Variants in PRDM16 observed in about 807,000 individuals in gnomAD.
The protein encoded by PRDM16 is PR/SET domain 16, also known as histone-lysine N-methyltransferase PRDM16.
PRDM16 carries 23 observed loss-of-function variants against 110.6 expected under a neutral mutation model. That is an observed-to-expected ratio of 0.21 (90% CI 0.15 to 0.29). The LOEUF (loss-of-function observed/expected upper bound fraction) is 0.29, where lower values mean the gene tolerates loss of function less well. Among genes scored for constraint, PRDM16 ranks in the 10% least tolerant of loss-of-function variants. The pLI is 1.00. For missense variants in PRDM16, 1,615 were observed against 1,794.3 expected (o/e 0.90, Z 1.81); for synonymous variants, 799 against 781.8 (o/e 1.02, Z -0.37).
intron 2 of PRDM16, among the ~76,000 whole-genome samples, chr1:3,228,686 C>T (rs1232246582): frequency 6.6e-6 from 1 of 152,186 alleles, no homozygotes; most frequent in African/African-American, 2.4e-5. Flanking sequence ...CTGGGGGCTC[C>T]TCGCCATGGC....
rs1639786180 is a variant in PRDM16, at chr1:3,246,164, C to T, written c.438+2027C>T. On this transcript the variant is annotated intron_variant, in intron 3 of 16. Transcript: ENST00000270722. This position sits in a 1 kb window ranked among gnomAD's most constrained non-coding sequence, Gnocchi z 5.2. ...GGGCGCCGCCTTCTGTGCCTCTGGGCCACGGTGGGTTTGCCTTTGTGTCTT... is the reference window on the plus strand; with the variant it reads ...GGGCGCCGCCTTCTGTGCCTCTGGGTCACGGTGGGTTTGCCTTTGTGTCTT... Among the ~76,000 whole-genome samples, 1 of 152,146 alleles carries T rather than the reference C, an allele frequency of 6.6e-6. No homozygotes were observed. Among genetic ancestry groups the T allele is most frequent in the Admixed American group, 6.5e-5 (1 of 15,274 alleles).
At chr1:3,247,752 C>A (rs1463227306) in intron 3 of PRDM16, among the ~76,000 whole-genome samples, 1 of 152,260 alleles carries the variant, frequency 6.6e-6, no homozygotes, top group East Asian at 1.9e-4. Context: ...GCCGTCCCTG[C>A]GCCCGTCCTG....
intron 3 of PRDM16, among the ~76,000 whole-genome samples, chr1:3,249,271 G>A (rs1639869762): frequency 6.6e-6 from 1 of 152,090 alleles, no homozygotes; most frequent in East Asian, 1.9e-4. Context: ...GAGATGGAGG[G>A]ACCCTCAAAC....
intron 1 of PRDM16, among the ~76,000 whole-genome samples, chr1:3,178,540 G>A (rs1454139218): frequency 6.6e-6 from 1 of 152,306 alleles, no homozygotes; most frequent in South Asian, 2.1e-4. Flanking sequence ...GGTGGCAAAC[G>A]TGTGTACTTA....
intron 1 of PRDM16, among the ~76,000 whole-genome samples, chr1:3,167,574 G>A (rs1471942023): frequency 8.1e-5 from 11 of 136,236 alleles, no homozygotes; most frequent in African/African-American, 2.8e-4. Context: ...CCCTGCTCCT[G>A]CCATCCTCCC....
At position 3,183,057 on chromosome 1, in the gene PRDM16, A is replaced by G. The variant is rs990333176; in HGVS notation, c.38-3068A>G. 6.6e-5 allele frequency among the ~76,000 whole-genome samples: 10 copies of G among 152,364 alleles called. 1 individual carries two copies. The highest frequency in any genetic ancestry group is 5.2e-4 in the Admixed American group (8 of 15,310). ...CAAATAAAGGATGTCAGGTCTCCTG[A>G]CAAGTCAATCACACGCTGTTACCCA... is the stretch of plus-strand genomic sequence containing the variant. On this transcript the variant is annotated intron_variant, in intron 1 of 16. Transcript: ENST00000270722.
At chr1:3,223,086 C>T (rs1296902643) in intron 2 of PRDM16, among the ~76,000 whole-genome samples, 1 of 146,398 alleles carries the variant, frequency 6.8e-6, no homozygotes, top group Non-Finnish European at 1.5e-5. Context: ...CTGCCTCCGC[C>T]GTGGCCAAAA....
At chr1:3,073,657 C>T (rs1363091439) in intron 1 of PRDM16, among the ~76,000 whole-genome samples, 1 of 152,022 alleles carries the variant, frequency 6.6e-6, no homozygotes, top group Non-Finnish European at 1.5e-5. Flanking sequence ...TGGGCCGGGT[C>T]GGGGAGCGGG....
chr1:3,195,038 G>A (rs1023919219), intron 2 of PRDM16, among the ~76,000 whole-genome samples: 4 of 152,350 alleles, frequency 2.6e-5, no homozygotes, highest in East Asian at 1.9e-4. Context: ...TGAGCGCACC[G>A]GCCAGTGGAT....
intron 1 of PRDM16, among the ~76,000 whole-genome samples, chr1:3,095,198 C>G (rs1311639226): frequency 1.3e-5 from 2 of 152,252 alleles, no homozygotes; most frequent in Admixed American, 1.3e-4. Context: ...ACCTCCCCAA[C>G]CGCCAGTCCA....
chr1:3,412,437 A>G lies in PRDM16; in HGVS notation c.2240A>G (p.His747Arg), dbSNP rs995205684. 6.2e-7 allele frequency: 1 copy of G among 1,610,470 alleles called. No homozygotes were observed. The highest frequency in any genetic ancestry group is 1.3e-5 in the African/African-American group (1 of 74,122). The change falls in exon 9 of 17, where the codon CAC (histidine) becomes CGC (arginine). Residue 747 changes from histidine (H) to arginine (R), a missense_variant. Coordinates refer to ENST00000270722, the MANE Select transcript of PRDM16 (RefSeq NM_022114.4). ...LYPFTDRALAHNLLVKAEPKS... is the reference protein window; with the variant it reads ...LYPFTDRALARNLLVKAEPKS... ...CCCTTCACGGACCGAGCCCTCGCCC[A>G]CAACTTGCTGGTCAAGGCCGAGCCA...
chr1:3,096,380 C>A (rs1007281503), intron 1 of PRDM16, among the ~76,000 whole-genome samples: 3 of 152,160 alleles, frequency 2.0e-5, no homozygotes, highest in African/African-American at 4.8e-5. Flanking sequence ...TGTGCACCAT[C>A]CCTTGTCCAC....
At chr1:3,424,397 C>G (rs1638532600) in intron 12 of PRDM16, among the ~76,000 whole-genome samples, 1 of 152,264 alleles carries the variant, frequency 6.6e-6, no homozygotes. Flanking sequence ...CCTCCACACG[C>G]AGCCCTCCTC....
intron 1 of PRDM16, among the ~76,000 whole-genome samples, chr1:3,176,889 CGTCT>C (rs1257314895): frequency 1.3e-5 from 2 of 151,784 alleles, no homozygotes; most frequent in East Asian, 3.9e-4. Flanking sequence ...TCCTTCCTTC[CGTCT>C]AACCATCCAT....
intron 1 of PRDM16, among the ~76,000 whole-genome samples, chr1:3,100,809 T>A (rs115376001): frequency 6.6e-6 from 1 of 152,008 alleles, no homozygotes; most frequent in African/African-American, 2.4e-5. Flanking sequence ...GATCCAGCTG[T>A]GGGGCCATGA....
At position 3,244,539 on chromosome 1, in the gene PRDM16, A is replaced by G. The variant is rs1475792261; in HGVS notation, c.438+402A>G. ...ATGGGGAAGAATTGGCTGCAGATTC[A>G]ACAAAGCCTTTGCTGCACTCGTAGC... On this transcript the variant is annotated intron_variant, in intron 3 of 16. Transcript: ENST00000270722. The surrounding 1 kb of genome is among the most constrained non-coding windows in gnomAD (Gnocchi z 4.1). Among the ~76,000 whole-genome samples the G allele has an allele frequency of 6.6e-6, 1 of 152,218 alleles. No individual in the cohort carries two copies. Among genetic ancestry groups the G allele is most frequent in the Non-Finnish European group, 1.5e-5 (1 of 68,032 alleles).
intron 3 of PRDM16, among the ~76,000 whole-genome samples, chr1:3,340,963 G>A (rs1642258566): frequency 6.6e-6 from 1 of 152,202 alleles, no homozygotes; most frequent in Non-Finnish European, 1.5e-5. Context: ...CCCGTGAGCT[G>A]ACCCCAGCGC....
intron 1 of PRDM16, among the ~76,000 whole-genome samples, chr1:3,073,177 T>G (rs1641809146): frequency 6.6e-6 from 1 of 152,324 alleles, no homozygotes; most frequent in Admixed American, 6.5e-5. Context: ...CTGCCATTTC[T>G]GCCGGGAGGC....
chr1:3,410,358 C>A (rs991586141), intron 8 of PRDM16, among the ~76,000 whole-genome samples: 3 of 152,162 alleles, frequency 2.0e-5, no homozygotes, highest in Non-Finnish European at 4.4e-5. Context: ...CTGGCACTCG[C>A]CAGCCAGAGC....
Sources: allele counts gnomAD v4.1 joint callset (sites outside exome capture counted in the v4.1 genomes callset), GRCh38; gene constraint gnomAD v4.1.1; non-coding constraint Gnocchi (gnomAD v3.1); transcripts MANE v1.5; gene names NCBI Gene and HGNC (gene_info 2026-07-23, HGNC 2026-07-21).